PARM1: variants seen among roughly 807,000 people sequenced by gnomAD.
The protein encoded by PARM1 is WSC4, cell wall integrity and stress response component 4 homolog.
In PARM1, 14 loss-of-function variants were observed where a neutral mutation model predicts 24.6. That is an observed-to-expected ratio of 0.57 (90% CI 0.38 to 0.89). PARM1 has a LOEUF of 0.89. Ranked by LOEUF, PARM1 falls within the 40% of genes least tolerant of loss-of-function variation. The pLI is 0.00. For missense variants in PARM1, 362 were observed against 380.4 expected, an observed-to-expected ratio of 0.95 and a Z score of 0.40; for synonymous variants, 179 against 156.6, an observed-to-expected ratio of 1.14 and a Z score of -1.07.
chr4:74,949,139 C>A (rs1381669463), intron 1 of PARM1, among the ~76,000 whole-genome samples: 5 of 152,158 alleles, frequency 3.3e-5, no homozygotes, highest in African/African-American at 1.2e-4. Flanking sequence ...AATTTCACTC[C>A]AGACAAGTGA....
At chr4:75,019,518 CTAGTATTTATCCAGT>C (rs1435978573) in intron 2 of PARM1, among the ~76,000 whole-genome samples, 7 of 152,158 alleles carry the variant, frequency 4.6e-5, no homozygotes, top group Non-Finnish European at 8.8e-5. Flanking sequence ...GATCTGAACC[CTAGTATTTATCCAGT>C]ATGAGCGATG....
At chr4:75,023,446 TC>T (rs777441567) in intron 2 of PARM1, among the ~76,000 whole-genome samples, 9 of 152,312 alleles carry the variant, frequency 5.9e-5, no homozygotes, top group Non-Finnish European at 8.8e-5. Context: ...TACAGTTGGG[TC>T]CTTAATTCTC....
chr4:74,940,911 G>C (rs184134851), intron 1 of PARM1, among the ~76,000 whole-genome samples: 67 of 152,332 alleles, frequency 4.4e-4, no homozygotes, highest in Admixed American at 3.6e-3. Flanking sequence ...AATGTAATGT[G>C]TCTTATTAGG....
intron 1 of PARM1, among the ~76,000 whole-genome samples, chr4:74,965,650 C>G (rs1721887026): frequency 6.6e-6 from 1 of 152,152 alleles, no homozygotes; most frequent in South Asian, 2.1e-4. Context: ...AAAAAGTCAT[C>G]TCAAAAACAT....
intron 3 of PARM1, 84 bp downstream of exon 3, chr4:75,034,045 C>T: frequency 9.4e-7 from 1 of 1,067,744 alleles, no homozygotes; most frequent in South Asian, 1.4e-5. Context: ...ATACTTGTTC[C>T]TTAATAGGTA....
chr4:74,990,320 C>G (rs1179522574), intron 1 of PARM1, among the ~76,000 whole-genome samples: 1 of 152,142 alleles, frequency 6.6e-6, no homozygotes, highest in Non-Finnish European at 1.5e-5. Flanking sequence ...TGCAGTAGGT[C>G]CTTGAAGGAC....
chr4:74,971,554 A>G (rs1422034870), intron 1 of PARM1, among the ~76,000 whole-genome samples: 6 of 152,222 alleles, frequency 3.9e-5, no homozygotes, highest in African/African-American at 1.4e-4. Context: ...GTCACTCTTA[A>G]GACTACATAA....
In PARM1 at chr4:74,973,495, C is replaced by A. The variant is rs941425772; in HGVS notation, c.44-38930C>A. Among the ~76,000 whole-genome samples the A allele has an allele frequency of 1.3e-4, 16 of 126,712 alleles. No homozygotes were observed. In the East Asian group the frequency reaches 1.7e-3, roughly 13 times the overall value. 83.1% of individuals were successfully genotyped at this position (126,712 alleles called of 152,430 possible). A position where few individuals can be genotyped will look rare whatever the true frequency, so the allele number is the denominator to read the frequency against. On this transcript the variant is annotated intron_variant, in intron 1 of 3. Coordinates refer to ENST00000307428, the MANE Select transcript of PARM1 (RefSeq NM_015393.4). ...TCACCGCCTCCCCAGTTATATATCA[C>A]AGTCCAGGGATAGAGCTAGAGACAT...
chr4:75,005,438 G>C (rs1722752760), intron 1 of PARM1, among the ~76,000 whole-genome samples: 1 of 152,182 alleles, frequency 6.6e-6, no homozygotes, highest in African/African-American at 2.4e-5. Flanking sequence ...GTTGCTCATG[G>C]AATCCAGGAA....
chr4:74,997,945 A>G (rs1009411429), intron 1 of PARM1, among the ~76,000 whole-genome samples: 1 of 152,266 alleles, frequency 6.6e-6, no homozygotes. Flanking sequence ...TGAGCTTAAC[A>G]GAGCCAATTT....
At chr4:75,016,987 A>T (rs754251652) in intron 2 of PARM1, among the ~76,000 whole-genome samples, 17 of 152,078 alleles carry the variant, frequency 1.1e-4, no homozygotes, top group Non-Finnish European at 2.2e-4. Context: ...GATTTCCTCA[A>T]TTCTCAGCCT....
intron 1 of PARM1, among the ~76,000 whole-genome samples, chr4:74,981,814 G>A (rs899966956): frequency 6.7e-6 from 1 of 150,022 alleles, no homozygotes; most frequent in Non-Finnish European, 1.5e-5. Flanking sequence ...AGCAGAGGTT[G>A]CAGTGAGCCG....
chr4:75,044,565 A>G (rs62314895), intron 3 of PARM1, among the ~76,000 whole-genome samples: 18 of 152,238 alleles, frequency 1.2e-4, no homozygotes, highest in Non-Finnish European at 2.6e-4. Context: ...CATGGAGGTT[A>G]CAGTCTAGTT....
chr4:75,030,135 G>T (rs1174942437), intron 2 of PARM1, among the ~76,000 whole-genome samples: 1 of 152,174 alleles, frequency 6.6e-6, no homozygotes, highest in Admixed American at 6.5e-5. Flanking sequence ...TTACCCAGGG[G>T]TGTCAGGGAA....
At chr4:74,971,302 T>C (rs932153300) in intron 1 of PARM1, among the ~76,000 whole-genome samples, 3 of 152,148 alleles carry the variant, frequency 2.0e-5, no homozygotes, top group African/African-American at 7.2e-5. Context: ...CTTGTGAGAT[T>C]TATTCACTCT....
intron 1 of PARM1, among the ~76,000 whole-genome samples, chr4:75,001,690 C>T (rs1297748893): frequency 1.3e-5 from 2 of 152,142 alleles, no homozygotes; most frequent in Non-Finnish European, 2.9e-5. Flanking sequence ...TGCTGACTGG[C>T]ATCTTCGGTG....
At chr4:74,957,177 C>T (rs898155981) in intron 1 of PARM1, 1 of 152,134 alleles carries the variant, frequency 6.6e-6, no homozygotes, top group African/African-American at 2.4e-5. Context: ...CTATATCAGC[C>T]CTGGAAAGTT....
chr4:74,956,288 T>C (rs1721632101), intron 1 of PARM1: 1 of 152,214 alleles, frequency 6.6e-6, no homozygotes, highest in Non-Finnish European at 1.5e-5. Flanking sequence ...GTCTCTGCAG[T>C]GTCCTTAGGG....
chr4:75,011,236 C>T (rs531561708), intron 1 of PARM1, among the ~76,000 whole-genome samples: 23 of 152,220 alleles, frequency 1.5e-4, no homozygotes, highest in African/African-American at 5.3e-4. Flanking sequence ...CAGCAGTCAT[C>T]GAGGCTAGTG....
Sources: allele counts gnomAD v4.1 joint callset (sites outside exome capture counted in the v4.1 genomes callset), GRCh38; gene constraint gnomAD v4.1.1; transcripts MANE v1.5; gene names NCBI Gene and HGNC (gene_info 2026-07-23, HGNC 2026-07-21).